The following SENP6 variants were observed in gnomAD, a reference collection of about 807,000 sequenced individuals.
SENP6 encodes the protein SUMO specific peptidase 6.
SENP6 carries 41 observed loss-of-function variants against 134.5 expected under a neutral mutation model. That is an observed-to-expected ratio of 0.30 (90% confidence interval 0.24 to 0.40). The LOEUF is 0.40. Among genes scored for constraint, SENP6 ranks in the 10% least tolerant of loss-of-function variants. The pLI, the probability that SENP6 is intolerant of heterozygous loss-of-function variation, is 1.00. For missense variants in SENP6, 1,248 were observed against 1,312.5 expected (o/e 0.95, Z 0.76); for synonymous variants, 395 against 429.8 (o/e 0.92, Z 1.00).
chr6:75,638,606 ATATATATATATATATATTTTTT>A (rs1213415285), intron 5 of SENP6, among the ~76,000 whole-genome samples: 5 of 39,128 alleles, frequency 1.3e-4, no homozygotes, highest in Admixed American at 3.3e-4. Context: ...ATATATATAT[ATATATATATATATATATTTTTT>A]TTTTTTTTTT....
At chr6:75,678,968 A>G (rs1372409932) in intron 16 of SENP6, 41 bp downstream of exon 16, 1 of 954,690 alleles carries the variant, frequency 1.0e-6, no homozygotes, top group Admixed American at 2.0e-5. Flanking sequence ...AATCTTTAAC[A>G]TTCCGTCATA....
At chr6:75,667,184 A>G (rs1197538560) in intron 10 of SENP6, among the ~76,000 whole-genome samples, 1 of 152,230 alleles carries the variant, frequency 6.6e-6, no homozygotes, top group Non-Finnish European at 1.5e-5. Flanking sequence ...CTTAAAATAA[A>G]ATGTCAGTAT....
intron 1 of SENP6, among the ~76,000 whole-genome samples, chr6:75,608,780 A>AAT (rs1259654564): frequency 3.3e-5 from 5 of 152,194 alleles, no homozygotes; most frequent in Non-Finnish European, 5.9e-5. Context: ...GGATTGAGGA[A>AAT]ATATATATTA....
At chr6:75,694,361 A>G (rs1036645606) in intron 16 of SENP6, among the ~76,000 whole-genome samples, 20 of 152,252 alleles carry the variant, frequency 1.3e-4, no homozygotes, top group African/African-American at 4.6e-4. Context: ...TTCATAAAAA[A>G]TACTATGCTG....
chr6:75,707,750 A>G (rs1775500788), intron 19 of SENP6, among the ~76,000 whole-genome samples: 1 of 152,046 alleles, frequency 6.6e-6, no homozygotes, highest in South Asian at 2.1e-4. Context: ...CAATACAATC[A>G]CAGTTCACCG....
At chr6:75,614,391 G>C (rs1252529081) in intron 1 of SENP6, among the ~76,000 whole-genome samples, 8 of 151,244 alleles carry the variant, frequency 5.3e-5, no homozygotes, top group Non-Finnish European at 1.5e-5. Context: ...TCAGCCTCCC[G>C]AGTAGCTGGG....
At chr6:75,611,662 A>G (rs186383766) in intron 1 of SENP6, 2 of 152,342 alleles carry the variant, frequency 1.3e-5, no homozygotes, top group Admixed American at 1.3e-4. Flanking sequence ...TGGCTTTAGA[A>G]GTTTGTGTGC....
At chr6:75,690,355 T>TGCAATATGTATACA (rs1774154722) in intron 16 of SENP6, among the ~76,000 whole-genome samples, 1 of 152,236 alleles carries the variant, frequency 6.6e-6, no homozygotes, top group African/African-American at 2.4e-5. Context: ...ATGTATACAT[T>TGCAATATGTATACA]TCCTTCCTTA....
At chr6:75,667,930 AAT>A (rs1772373056) in intron 10 of SENP6, among the ~76,000 whole-genome samples, 2 of 152,210 alleles carry the variant, frequency 1.3e-5, no homozygotes, top group Non-Finnish European at 2.9e-5. Context: ...AAAATAAGGA[AAT>A]ATGTGTATAT....
In SENP6 at chr6:75,682,578, C is replaced by T. The variant is rs546009393; in HGVS notation, c.2075+3651C>T. Among the ~76,000 whole-genome samples, 48 of 152,142 alleles carry T rather than the reference C, an allele frequency of 3.2e-4. No individual in the cohort carries two copies. The South Asian group carries it at 9.6e-3, about 30-fold the overall frequency. On this transcript the variant is annotated intron_variant, in intron 16 of 23. Coordinates refer to ENST00000447266, the MANE Select transcript of SENP6 (RefSeq NM_015571.4). ...CCAGCCCTCCATCCCACAACAGGCCCTGGTGTGTGATGTTCCCCGCCCTGT... is the reference window on the plus strand; with the variant it reads ...CCAGCCCTCCATCCCACAACAGGCCTTGGTGTGTGATGTTCCCCGCCCTGT...
rs1773268801 is a variant in SENP6, at chr6:75,678,822, A to G, written c.1970A>G (p.Tyr657Cys). 2 of 1,597,776 alleles carry G rather than the reference A, an allele frequency of 1.3e-6. No individual in the cohort carries two copies. The change falls in exon 16 of 24, where the codon TAT becomes TGT. Residue 657 changes from tyrosine (Y) to cysteine (C), a missense_variant. Coordinates refer to ENST00000447266, the MANE Select transcript of SENP6 (RefSeq NM_015571.4). Reference protein sequence around the residue: ...FIGPVEKLIVYPPPPAKGGIS... With the variant: ...FIGPVEKLIVCPPPPAKGGIS... The stretch of plus-strand genomic sequence containing the variant: ...TAATTTTGTTACAGGTTGATAGTAT[A>G]TCCACCACCTCCAGCTAAGGGAGGC...
chr6:75,680,204 C>T (rs1316677048), intron 16 of SENP6, among the ~76,000 whole-genome samples: 1 of 152,150 alleles, frequency 6.6e-6, no homozygotes, highest in Non-Finnish European at 1.5e-5. Flanking sequence ...TACCAGGTAG[C>T]TCCTAGTTTT....
intron 5 of SENP6, among the ~76,000 whole-genome samples, chr6:75,639,910 A>G (rs1417473545): frequency 6.6e-6 from 1 of 152,192 alleles, no homozygotes; most frequent in Admixed American, 6.6e-5. Flanking sequence ...TATAACTTCT[A>G]GGAAATGCTA....
At chr6:75,621,677 A>G (rs772420900) in intron 2 of SENP6, 52 bp downstream of exon 2, 1 of 1,071,982 alleles carries the variant, frequency 9.3e-7, no homozygotes, top group Non-Finnish European at 1.4e-6. Flanking sequence ...ACTTCTCATT[A>G]GAAAAACAAT....
chr6:75,659,115 G>A, intron 7 of SENP6, 147 bp from the exon 8 acceptor site: 1 of 605,274 alleles, frequency 1.7e-6, no homozygotes, highest in Non-Finnish European at 2.8e-6. Context: ...CATATGTGGA[G>A]ATCCTGCTGA....
At chr6:75,607,596 T>C (rs538625937) in intron 1 of SENP6, among the ~76,000 whole-genome samples, 3 of 152,264 alleles carry the variant, frequency 2.0e-5, no homozygotes, top group Non-Finnish European at 4.4e-5. Flanking sequence ...TCTCCCGTTT[T>C]TCCTGAAGTA....
In SENP6 at chr6:75,707,981, C is replaced by T. The variant is rs915114580; in HGVS notation, c.2717-1546C>T. On this transcript the variant is annotated intron_variant, in intron 19 of 23. Transcript: ENST00000447266. The stretch of plus-strand genomic sequence containing the variant: ...ATTACAGGTGCTAGGCCACTGTGCC[C>T]GGCCCCATAGTGCTTCATTGGTTTA... Among the ~76,000 whole-genome samples the T allele has an allele frequency of 1.1e-4, 16 of 152,194 alleles. No individual in the cohort carries two copies. The East Asian group carries it at 1.7e-3, about 17-fold the overall frequency.
chr6:75,608,609 CTCAAAAG>C (rs1278583825), intron 1 of SENP6, among the ~76,000 whole-genome samples: 1 of 152,132 alleles, frequency 6.6e-6, no homozygotes, highest in African/African-American at 2.4e-5. Context: ...AGAATATGAA[CTCAAAAG>C]TCAGAATGCT....
chr6:75,670,058 T>C (rs1772550033), intron 10 of SENP6, among the ~76,000 whole-genome samples: 4 of 151,554 alleles, frequency 2.6e-5, no homozygotes, highest in Admixed American at 2.6e-4. Flanking sequence ...CTCAGCCTCC[T>C]GAGTAGCCTC....
Sources: gnomAD v4.1 joint callset for allele counts (sites outside exome capture counted in the v4.1 genomes callset) on GRCh38, gnomAD v4.1.1 for gene constraint, MANE v1.5 for transcripts, NCBI Gene and HGNC (gene_info 2026-07-23, HGNC 2026-07-21) for gene names.